EPM2A: variants seen among roughly 807,000 people sequenced by gnomAD.
The protein encoded by EPM2A is EPM2A glucan phosphatase, laforin, also known as laforin.
EPM2A carries 21 observed loss-of-function variants against 26.5 expected under a neutral mutation model. That is an observed-to-expected ratio of 0.79 (90% CI 0.56 to 1.14). The LOEUF is 1.14. Ranked by LOEUF, EPM2A falls within the 50% of genes most tolerant of loss-of-function variation. EPM2A has a pLI of 0.00. For missense variants in EPM2A, 458 were observed against 440.8 expected, an observed-to-expected ratio of 1.04 and a Z score of -0.35; for synonymous variants, 217 against 177.6, an observed-to-expected ratio of 1.22 and a Z score of -1.76.
chr6:145,600,093 G>A (rs141493881), intron 2 of EPM2A, among the ~76,000 whole-genome samples: 6 of 151,856 alleles, frequency 4.0e-5, no homozygotes, highest in African/African-American at 1.5e-4. Flanking sequence ...AATTTTTCTA[G>A]GTTTCTTTAT....
chr6:145,455,381 C>T (rs1215233326), intron 4 of EPM2A, among the ~76,000 whole-genome samples: 4 of 151,638 alleles, frequency 2.6e-5, no homozygotes, highest in East Asian at 1.9e-4. Flanking sequence ...TTTTTGAGAC[C>T]GAGTCTCACT....
chr6:145,710,612 C>G (rs1775259913), intron 1 of EPM2A, among the ~76,000 whole-genome samples: 1 of 152,148 alleles, frequency 6.6e-6, no homozygotes. Context: ...CCAGCCCTCC[C>G]ATTACTGGGT....
intron 2 of EPM2A, among the ~76,000 whole-genome samples, chr6:145,644,221 T>C (rs555331380): frequency 2.6e-4 from 40 of 152,330 alleles, no homozygotes; most frequent in Middle Eastern, 6.8e-3. Context: ...TTAATGCTAA[T>C]ATTAACCAGG....
intron 2 of EPM2A, among the ~76,000 whole-genome samples, chr6:145,595,903 G>A (rs890987517): frequency 2.0e-5 from 3 of 152,032 alleles, no homozygotes; most frequent in African/African-American, 4.8e-5. Context: ...ATCCTTGTCA[G>A]CATTCTGATG....
chr6:145,412,431 G>A (rs1218288345), intron 4 of EPM2A, among the ~76,000 whole-genome samples: 1 of 152,050 alleles, frequency 6.6e-6, no homozygotes, highest in East Asian at 1.9e-4. Flanking sequence ...CCTTACAAAA[G>A]CTTACTGAAT....
At chr6:145,663,290 A>C (rs1778873572) in intron 2 of EPM2A, among the ~76,000 whole-genome samples, 1 of 152,194 alleles carries the variant, frequency 6.6e-6, no homozygotes. Context: ...TCCAGTCTAC[A>C]GCTCCCAGCG....
chr6:145,693,483 A>G (rs901639213), intron 1 of EPM2A, among the ~76,000 whole-genome samples: 1 of 152,010 alleles, frequency 6.6e-6, no homozygotes, highest in African/African-American at 2.4e-5. Context: ...TTGGATATAC[A>G]TGAACATACA....
chr6:145,554,426 A>AGATAGAT (rs768471283), intron 2 of EPM2A, among the ~76,000 whole-genome samples: 37 of 59,542 alleles, frequency 6.2e-4, no homozygotes, highest in African/African-American at 2.7e-3. Flanking sequence ...GATAGATGAT[A>AGATAGAT]GATAGATAGA....
chr6:145,449,239 C>G (rs1260934054), intron 4 of EPM2A, among the ~76,000 whole-genome samples: 1 of 152,094 alleles, frequency 6.6e-6, no homozygotes, highest in East Asian at 1.9e-4. Flanking sequence ...ATGCCAAGTG[C>G]AAGGTTTCAG....
At chr6:145,702,223 G>C (rs1373689250) in intron 1 of EPM2A, among the ~76,000 whole-genome samples, 1 of 152,196 alleles carries the variant, frequency 6.6e-6, no homozygotes, top group Admixed American at 6.5e-5. Context: ...TCATCTGCTA[G>C]TTTCCATAAT....
chr6:145,562,021 A>G (rs888859968), intron 2 of EPM2A, among the ~76,000 whole-genome samples: 3 of 151,930 alleles, frequency 2.0e-5, no homozygotes, highest in African/African-American at 7.3e-5. Context: ...TATGTAACAA[A>G]CCTGCACATT....
At chr6:145,413,052 C>G (rs1396901257) in intron 4 of EPM2A, among the ~76,000 whole-genome samples, 2 of 152,132 alleles carry the variant, frequency 1.3e-5, no homozygotes, top group African/African-American at 4.8e-5. Context: ...CATCAATTTT[C>G]TCTTTTACTA....
intron 2 of EPM2A, among the ~76,000 whole-genome samples, chr6:145,505,507 T>A (rs1161228466): frequency 1.3e-5 from 2 of 152,148 alleles, no homozygotes; most frequent in African/African-American, 4.8e-5. Context: ...ACATAGTCAG[T>A]ATATTTTAAA....
intron 2 of EPM2A, among the ~76,000 whole-genome samples, chr6:145,675,262 C>G (rs970070002): frequency 6.6e-6 from 1 of 152,192 alleles, no homozygotes; most frequent in Non-Finnish European, 1.5e-5. Flanking sequence ...ACAAGGCCTG[C>G]CTTACAAGAT....
intron 2 of EPM2A, among the ~76,000 whole-genome samples, chr6:145,643,240 T>C (rs1777216161): frequency 6.6e-6 from 1 of 152,224 alleles, no homozygotes; most frequent in African/African-American, 2.4e-5. Context: ...ATAAAACTAA[T>C]ATCTACAAGT....
At chr6:145,705,584 G>C (rs1274086618) in intron 1 of EPM2A, 1 of 456,164 alleles carries the variant, frequency 2.2e-6, no homozygotes. Context: ...AAAGTGCAGG[G>C]GTTTGATTAT....
intron 2 of EPM2A, among the ~76,000 whole-genome samples, chr6:145,573,061 T>C (rs1780982125): frequency 1.3e-5 from 2 of 152,054 alleles, no homozygotes; most frequent in African/African-American, 4.8e-5. Context: ...AGTTCCCGAG[T>C]TTCAGTTAGA....
chr6:145,672,991 GC>G (rs1177535446), intron 2 of EPM2A, among the ~76,000 whole-genome samples: 2 of 152,122 alleles, frequency 1.3e-5, no homozygotes, highest in East Asian at 3.9e-4. Flanking sequence ...TTAAAGAGAA[GC>G]AAAAAACTAA....
intron 4 of EPM2A, among the ~76,000 whole-genome samples, chr6:145,428,540 T>C (rs1055824082): frequency 6.6e-6 from 1 of 152,232 alleles, no homozygotes; most frequent in Admixed American, 6.5e-5. Flanking sequence ...ATCATCATCA[T>C]AATTTTTAGA....
Sources: gnomAD v4.1 joint callset for allele counts (sites outside exome capture counted in the v4.1 genomes callset) on GRCh38, gnomAD v4.1.1 for gene constraint, MANE v1.5 for transcripts, NCBI Gene and HGNC (gene_info 2026-07-23, HGNC 2026-07-21) for gene names.